Variants in TAFA1 observed in about 807,000 individuals in gnomAD.
TAFA1 encodes chemokine-like protein TAFA-1.
Under a neutral mutation model 18.5 loss-of-function variants are expected in TAFA1, and 4 were observed. The ratio of observed to expected loss-of-function variants is 0.22; its 90% CI spans 0.11 to 0.49. The LOEUF (loss-of-function observed/expected upper bound fraction) is 0.49. TAFA1 is among the 20% of genes least tolerant of loss of function. TAFA1 has a pLI of 0.98. For missense variants in TAFA1, 147 were observed against 169.0 expected, an observed-to-expected ratio of 0.87 and a Z score of 0.72; for synonymous variants, 56 against 55.2, an observed-to-expected ratio of 1.01 and a Z score of -0.06.
chr3:68,339,295 T>C (rs2069039529), intron 2 of TAFA1, among the ~76,000 whole-genome samples: 1 of 152,260 alleles, frequency 6.6e-6, no homozygotes, highest in Admixed American at 6.5e-5. Context: ...ATTTTACTTT[T>C]ATGTCTCATT....
chr3:68,393,707 A>G (rs2070312019), intron 2 of TAFA1, among the ~76,000 whole-genome samples: 1 of 152,210 alleles, frequency 6.6e-6, no homozygotes. Context: ...AGCTGATTCA[A>G]CATATGCAAA....
intron 3 of TAFA1, among the ~76,000 whole-genome samples, chr3:68,524,967 G>A (rs552668098): frequency 2.6e-4 from 39 of 152,250 alleles, no homozygotes; most frequent in Admixed American, 2.2e-3. Flanking sequence ...CAACGCGCCC[G>A]GCCGTTTCTA....
intron 2 of TAFA1, among the ~76,000 whole-genome samples, chr3:68,015,235 G>A (rs1704545527): frequency 6.6e-6 from 1 of 151,750 alleles, no homozygotes; most frequent in Non-Finnish European, 1.5e-5. Context: ...TGATTCAATA[G>A]CCTCATTTGA....
intron 2 of TAFA1, among the ~76,000 whole-genome samples, chr3:68,089,491 A>G (rs958746426): frequency 3.9e-5 from 6 of 152,220 alleles, no homozygotes; most frequent in African/African-American, 1.4e-4. Flanking sequence ...TGGGAAAGAC[A>G]GAAAAGAAGT....
intron 3 of TAFA1, among the ~76,000 whole-genome samples, chr3:68,436,811 C>A (rs758027034): frequency 2.6e-5 from 4 of 152,014 alleles, no homozygotes; most frequent in Non-Finnish European, 5.9e-5. Context: ...TATGAATAAC[C>A]CCTGGCACTC....
intron 2 of TAFA1, among the ~76,000 whole-genome samples, chr3:68,025,806 T>A (rs1165819814): frequency 6.6e-6 from 1 of 152,194 alleles, no homozygotes; most frequent in Non-Finnish European, 1.5e-5. Context: ...CTTACCACTT[T>A]ATTGATTTTA....
chr3:68,395,212 T>C (rs535252201), intron 2 of TAFA1, among the ~76,000 whole-genome samples: 3 of 152,224 alleles, frequency 2.0e-5, no homozygotes, highest in African/African-American at 7.2e-5. Flanking sequence ...CACTGGTCGT[T>C]AGAGAATTGC....
rs558884235 is a variant in TAFA1 at position 68,258,624 on chromosome 3, T to C, written c.119-158656T>C. Among the ~76,000 whole-genome samples the C allele has an allele frequency of 1.1e-4, 17 of 152,306 alleles. No homozygotes were observed. The East Asian group carries it at 3.3e-3, about 29-fold the overall frequency. On this transcript the variant is annotated intron_variant, in intron 2 of 4. Coordinates refer to ENST00000478136, the MANE Select transcript of TAFA1 (RefSeq NM_213609.4). ...AAATCGAAACTCCAGATAATGCTTA[T>C]GCCACAGCAAAAGAAAGATCAGCTG...
At chr3:68,164,044 T>C (rs926091269) in intron 2 of TAFA1, among the ~76,000 whole-genome samples, 2 of 152,238 alleles carry the variant, frequency 1.3e-5, no homozygotes, top group African/African-American at 4.8e-5. Flanking sequence ...ACTGGCAAAA[T>C]GCTTTAGCTT....
chr3:68,100,942 G>C (rs537142820), intron 2 of TAFA1, among the ~76,000 whole-genome samples: 2 of 152,298 alleles, frequency 1.3e-5, no homozygotes, highest in East Asian at 3.9e-4. Flanking sequence ...TTAGTTACCT[G>C]TTCATTCACT....
At chr3:68,041,520 G>C (rs1354804046) in intron 2 of TAFA1, among the ~76,000 whole-genome samples, 1 of 152,190 alleles carries the variant, frequency 6.6e-6, no homozygotes, top group East Asian at 1.9e-4. Flanking sequence ...ACTCAAAGTG[G>C]AGAAGTTTAG....
intron 2 of TAFA1, among the ~76,000 whole-genome samples, chr3:68,295,858 C>T (rs2068198370): frequency 6.6e-6 from 1 of 152,160 alleles, no homozygotes; most frequent in South Asian, 2.1e-4. Flanking sequence ...GATCCTCTCT[C>T]CTTGGCCTCC....
intron 3 of TAFA1, among the ~76,000 whole-genome samples, chr3:68,429,419 C>T (rs1364254771): frequency 6.6e-6 from 1 of 151,918 alleles, no homozygotes; most frequent in Non-Finnish European, 1.5e-5. Context: ...GAAGTTAGAT[C>T]ATTCCTTCCA....
intron 2 of TAFA1, among the ~76,000 whole-genome samples, chr3:68,129,558 A>G (rs1226732638): frequency 6.6e-6 from 1 of 152,202 alleles, no homozygotes; most frequent in Non-Finnish European, 1.5e-5. Context: ...TCTGAGACCA[A>G]TGCCTTATGT....
At position 68,288,830 on chromosome 3, in the gene TAFA1, A is replaced by G. The variant is rs2068062126; in HGVS notation, c.119-128450A>G. ...TATATAATCATGCAATTCTTATTCA[A>G]AAATGCTCTGCTAGTACTAGCCTGT... On this transcript the variant is annotated intron_variant, in intron 2 of 4. Transcript: ENST00000478136. Among the ~76,000 whole-genome samples the G allele has an allele frequency of 2.0e-5, 3 of 152,200 alleles. No homozygotes were observed. The South Asian group carries it at 6.2e-4, about 32-fold the overall frequency.
intron 2 of TAFA1, among the ~76,000 whole-genome samples, chr3:68,357,412 A>G (rs930007080): frequency 1.3e-5 from 2 of 151,968 alleles, no homozygotes; most frequent in Non-Finnish European, 2.9e-5. Flanking sequence ...AGCAAGGCGA[A>G]AAACACTTGA....
At chr3:68,100,628 AATG>A (rs1160185645) in intron 2 of TAFA1, among the ~76,000 whole-genome samples, 2 of 152,174 alleles carry the variant, frequency 1.3e-5, no homozygotes, top group African/African-American at 4.8e-5. Context: ...TTTATCATTC[AATG>A]ATTCCAGCTA....
In TAFA1 at chr3:68,338,632, G is replaced by C. The variant is rs113854943; in HGVS notation, c.119-78648G>C. On this transcript the variant is annotated intron_variant, in intron 2 of 4. Coordinates refer to ENST00000478136, the MANE Select transcript of TAFA1 (RefSeq NM_213609.4). ...ATGGCAAAGCAGGCTAGAGGGGTTT[G>C]AAATTATTGAGCCAGGATTCAAAAC... 4.6e-5 allele frequency among the ~76,000 whole-genome samples: 7 copies of C among 152,236 alleles called. No homozygotes were observed. The South Asian group carries it at 6.2e-4, about 14-fold the overall frequency.
At chr3:68,504,167 T>C (rs1332991700) in intron 3 of TAFA1, among the ~76,000 whole-genome samples, 1 of 152,178 alleles carries the variant, frequency 6.6e-6, no homozygotes, top group Non-Finnish European at 1.5e-5. Context: ...CCTTGGAGTT[T>C]GTATGTCCCC....
Sources: allele counts gnomAD v4.1 joint callset (sites outside exome capture counted in the v4.1 genomes callset), GRCh38; gene constraint gnomAD v4.1.1; transcripts MANE v1.5; gene names NCBI Gene and HGNC (gene_info 2026-07-23, HGNC 2026-07-21).